JAK2: variants seen among roughly 807,000 people sequenced by gnomAD.
The protein encoded by JAK2 is tyrosine-protein kinase JAK2.
JAK2 carries 86 observed loss-of-function variants against 139.3 expected under a neutral mutation model. The ratio of observed to expected loss-of-function variants is 0.62; its 90% CI spans 0.52 to 0.74. The LOEUF is 0.74. Among genes scored for constraint, JAK2 ranks in the 30% least tolerant of loss-of-function variants. JAK2 has a pLI of 0.00. For missense variants in JAK2, 1,421 were observed against 1,360.3 expected (o/e 1.04, Z -0.70); for synonymous variants, 490 against 437.7 (o/e 1.12, Z -1.49).
chr9:5,021,844 G>T (rs1727013199), intron 2 of JAK2, 119 bp from the exon 3 acceptor site: 1 of 611,052 alleles, frequency 1.6e-6, no homozygotes, highest in Non-Finnish European at 2.9e-6. Flanking sequence ...TGTTGCTGAG[G>T]CTTGTCTCCA....
At chr9:5,038,780 A>T (rs1411832257) in intron 4 of JAK2, among the ~76,000 whole-genome samples, 1 of 152,154 alleles carries the variant, frequency 6.6e-6, no homozygotes, top group African/African-American at 2.4e-5. Context: ...AGGAATGCTC[A>T]GTTTGTTTAT....
chr9:5,100,673 G>A (rs1455988700), intron 22 of JAK2: 3 of 152,094 alleles, frequency 2.0e-5, no homozygotes, highest in South Asian at 2.1e-4. Context: ...CAGTTACTTC[G>A]GCTCATCACA....
intron 22 of JAK2, among the ~76,000 whole-genome samples, chr9:5,113,001 A>G (rs1822767762): frequency 6.6e-6 from 1 of 152,074 alleles, no homozygotes; most frequent in African/African-American, 2.4e-5. Context: ...GCTCAGAGTG[A>G]TGGGGGCAAG....
intron 6 of JAK2, among the ~76,000 whole-genome samples, chr9:5,053,468 A>T (rs1429233086): frequency 2.0e-5 from 3 of 152,064 alleles, no homozygotes; most frequent in Non-Finnish European, 4.4e-5. Flanking sequence ...TTTGTAGCAC[A>T]AAAGTTTTAA....
intron 22 of JAK2, among the ~76,000 whole-genome samples, chr9:5,093,465 C>G (rs62543877): frequency 1.3e-5 from 2 of 151,964 alleles, no homozygotes; most frequent in East Asian, 1.9e-4. Context: ...CTGTCTCTTA[C>G]GTTTAATCAG....
intron 4 of JAK2, chr9:5,041,347 G>T: frequency 6.1e-6 from 4 of 651,330 alleles, no homozygotes; most frequent in East Asian, 2.9e-5. Flanking sequence ...CAGGTACGGC[G>T]TGCTACATGA....
At chr9:5,048,507 T>C (rs931597048) in intron 5 of JAK2, among the ~76,000 whole-genome samples, 1 of 152,012 alleles carries the variant, frequency 6.6e-6, no homozygotes, top group Non-Finnish European at 1.5e-5. Flanking sequence ...ATTGATCATC[T>C]TCTACTTAAA....
At chr9:5,111,893 A>G in intron 22 of JAK2, 1 of 358,440 alleles carries the variant, frequency 2.8e-6, no homozygotes, top group Non-Finnish European at 5.5e-6. Flanking sequence ...AGCTCTGGGG[A>G]CGCCCTCGGG....
chr9:5,090,405 T>C (rs749018377), intron 20 of JAK2, 41 bp from the exon 21 acceptor site: 2 of 1,429,454 alleles, frequency 1.4e-6, no homozygotes, highest in African/African-American at 1.4e-5. Context: ...ATCAGTATAA[T>C]ATGGCAGAGT....
At chr9:5,023,109 C>G (rs1341332572) in intron 3 of JAK2, among the ~76,000 whole-genome samples, 4 of 152,240 alleles carry the variant, frequency 2.6e-5, no homozygotes, top group African/African-American at 9.6e-5. Context: ...TGAACTTGTT[C>G]CTTCTGTCTG....
chr9:5,054,611 T>C lies in JAK2; in HGVS notation c.663T>C (p.Tyr221=), dbSNP rs768981276. The change falls in exon 7 of 25, where the codon TAT becomes TAC. Residue 221 remains tyrosine, a synonymous_variant. Transcript: ENST00000381652. The surrounding 1 kb of genome is among the most constrained non-coding windows in gnomAD (Gnocchi z 4.9). Reference sequence around the variant, plus strand: ...GTATTCGAGCAAAGATCCAAGACTATCATATTTTGACAAGGAAGCGAATAA... The same window carrying C: ...GTATTCGAGCAAAGATCCAAGACTACCATATTTTGACAAGGAAGCGAATAA... ...PKCIRAKIQD[Y]HILTRKRIRY... is the part of the protein sequence containing the mutation. 14 of 1,612,262 alleles carry C rather than the reference T, an allele frequency of 8.7e-6. No individual in the cohort carries two copies. The East Asian group carries it at 1.8e-4, about 21-fold the overall frequency.
At chr9:5,031,113 G>A (rs1459993462) in intron 4 of JAK2, among the ~76,000 whole-genome samples, 1 of 152,124 alleles carries the variant, frequency 6.6e-6, no homozygotes, top group Admixed American at 6.5e-5. Flanking sequence ...TTGGAATGGG[G>A]AGATGGAATA....
intron 2 of JAK2, among the ~76,000 whole-genome samples, chr9:4,987,054 T>A (rs1819985750): frequency 6.6e-6 from 1 of 152,228 alleles, no homozygotes; most frequent in African/African-American, 2.4e-5. Context: ...GAGAATTATT[T>A]GCTTGTACAT....
At position 5,069,045 on chromosome 9, in the gene JAK2, A is replaced by T. The variant is rs1210136599; in HGVS notation, c.1350A>T (p.Lys450Asn). ...AGCGAGAAAATGTCATTGAATATAA[A>T]CACTGTTTGATTACAAAAAATGAGA... ...AVERENVIEY[K>N]HCLITKNENE... is the part of the protein sequence containing the mutation. Residue 450 changes from lysine to asparagine, a missense_variant, in exon 11 of 25, where the codon AAA becomes AAT. Lys to Asn is a moderately conservative substitution (Grantham distance 94). Transcript: ENST00000381652. The T allele has an allele frequency of 6.3e-7, 1 of 1,596,410 alleles. No individual in the cohort carries two copies. The highest frequency in any genetic ancestry group is 2.2e-5 in the East Asian group (1 of 44,514).
At chr9:5,097,471 A>G (rs1314386848) in intron 22 of JAK2, 1 of 152,210 alleles carries the variant, frequency 6.6e-6, no homozygotes, top group East Asian at 1.9e-4. Flanking sequence ...GTATATGGGC[A>G]TAGTATGAGC....
At chr9:4,990,075 C>G (rs1014772082) in intron 2 of JAK2, among the ~76,000 whole-genome samples, 3 of 152,026 alleles carry the variant, frequency 2.0e-5, no homozygotes, top group Non-Finnish European at 4.4e-5. Context: ...GTAATGAGGA[C>G]TTAGAAATAA....
chr9:5,121,772 T>C (rs892460751), intron 22 of JAK2, among the ~76,000 whole-genome samples: 1 of 152,208 alleles, frequency 6.6e-6, no homozygotes, highest in Non-Finnish European at 1.5e-5. Flanking sequence ...ATTAATTTTG[T>C]TCTTTTTAAA....
chr9:5,075,048 G>C (rs977758386), intron 14 of JAK2, among the ~76,000 whole-genome samples: 3 of 151,928 alleles, frequency 2.0e-5, no homozygotes, highest in African/African-American at 7.3e-5. Context: ...ACATTCCCTT[G>C]AGCCAAAGCC....
At chr9:4,986,283 G>GA (rs1819945959) in intron 2 of JAK2, among the ~76,000 whole-genome samples, 4 of 152,208 alleles carry the variant, frequency 2.6e-5, no homozygotes. Context: ...GAAAAACGTT[G>GA]TCCATTACCC....
Sources: gnomAD v4.1 joint callset for allele counts (sites outside exome capture counted in the v4.1 genomes callset) on GRCh38, gnomAD v4.1.1 for gene constraint, Gnocchi (gnomAD v3.1) non-coding constraint, MANE v1.5 for transcripts, NCBI Gene and HGNC (gene_info 2026-07-23, HGNC 2026-07-21) for gene names.